Variants in PPP2R5E observed in about 807,000 individuals in gnomAD.
The protein encoded by PPP2R5E is protein phosphatase 2 regulatory subunit B'epsilon.
A neutral mutation model predicts 65.3 loss-of-function variants in PPP2R5E; 4 were observed. The observed-to-expected ratio is 0.06, with a 90% confidence interval of 0.03 to 0.14. The LOEUF is 0.14. Ranked by LOEUF, PPP2R5E falls within the 10% of genes least tolerant of loss-of-function variation. PPP2R5E has a pLI of 1.00. For synonymous variants in PPP2R5E, 183 were observed against 187.4 expected (o/e 0.98, Z 0.19); for missense variants, 274 against 556.1 (o/e 0.49, Z 5.10).
intron 3 of PPP2R5E, among the ~76,000 whole-genome samples, chr14:63,442,852 C>A (rs1888304009): frequency 6.6e-6 from 1 of 152,096 alleles, no homozygotes; most frequent in Non-Finnish European, 1.5e-5. Context: ...TTATCAGATG[C>A]AGGAAGATGA....
chr14:63,463,163 C>T (rs555692492), intron 2 of PPP2R5E, among the ~76,000 whole-genome samples: 9 of 150,642 alleles, frequency 6.0e-5, no homozygotes, highest in African/African-American at 1.2e-4. Flanking sequence ...TGTTTTTAGG[C>T]AGAGTCTCGC....
At chr14:63,415,574 C>T (rs1449663317) in intron 4 of PPP2R5E, among the ~76,000 whole-genome samples, 1 of 152,006 alleles carries the variant, frequency 6.6e-6, no homozygotes, top group African/African-American at 2.4e-5. Flanking sequence ...CTACTTGTAC[C>T]ATTTAAACAA....
intron 2 of PPP2R5E, among the ~76,000 whole-genome samples, chr14:63,521,391 G>C (rs149503651): frequency 6.6e-6 from 1 of 151,972 alleles, no homozygotes; most frequent in Non-Finnish European, 1.5e-5. Context: ...TTAGTTGGCC[G>C]GGCGCAGTGG....
At chr14:63,481,451 G>A (rs371731762) in intron 2 of PPP2R5E, among the ~76,000 whole-genome samples, 7 of 141,890 alleles carry the variant, frequency 4.9e-5, no homozygotes, top group African/African-American at 1.8e-4. Context: ...AGCCGAGATC[G>A]CACCACTGCA....
At chr14:63,451,001 C>T (rs1303950498) in intron 3 of PPP2R5E, among the ~76,000 whole-genome samples, 2 of 152,086 alleles carry the variant, frequency 1.3e-5, no homozygotes, top group Non-Finnish European at 2.9e-5. Flanking sequence ...CAAATCAATA[C>T]CAAATGCTGG....
At chr14:63,460,388 A>G (rs951675642) in intron 2 of PPP2R5E, among the ~76,000 whole-genome samples, 5 of 152,222 alleles carry the variant, frequency 3.3e-5, no homozygotes, top group African/African-American at 1.2e-4. Context: ...GGGAAGGGGC[A>G]TACCAATAAC....
intron 2 of PPP2R5E, among the ~76,000 whole-genome samples, chr14:63,501,227 A>G (rs886718700): frequency 2.0e-5 from 3 of 151,974 alleles, no homozygotes; most frequent in Admixed American, 1.3e-4. Flanking sequence ...GTGAAACTCC[A>G]TCTCTACTAA....
chr14:63,496,320 T>C (rs12587571), intron 2 of PPP2R5E, among the ~76,000 whole-genome samples: 26,373 of 151,430 alleles, frequency 0.17, 2,817 homozygotes, highest in African/African-American at 0.3. Flanking sequence ...CTGGCCAACA[T>C]AGTAAAACCC....
chr14:63,427,557 A>C (rs1183693876), intron 3 of PPP2R5E, among the ~76,000 whole-genome samples: 1 of 152,152 alleles, frequency 6.6e-6, no homozygotes, highest in Non-Finnish European at 1.5e-5. Context: ...AGGCAGGAGG[A>C]TCACTTGAGG....
rs374505700 is a variant in PPP2R5E at position 63,373,157 on chromosome 14, T to G, written c.*2852A>C. ...TTCTAAACCACAGGGTTGTGTGTATTTTTCTCTTCCAAAGACACTCTTAAT... is the reference window on the plus strand; with the variant it reads ...TTCTAAACCACAGGGTTGTGTGTATGTTTCTCTTCCAAAGACACTCTTAAT... On this transcript the variant is annotated 3_prime_UTR_variant, in exon 14 of 14. Transcript: ENST00000337537. 6.6e-5 allele frequency: 10 copies of G among 152,278 alleles called. No homozygotes were observed. The highest frequency in any genetic ancestry group is 2.0e-4 in the Admixed American group (3 of 15,294). The allele number at this position is 152,278 out of a possible 1,614,324, so 9.4% of individuals were successfully genotyped here.
chr14:63,496,246 T>C (rs2139651244), intron 2 of PPP2R5E, among the ~76,000 whole-genome samples: 1 of 152,002 alleles, frequency 6.6e-6, no homozygotes, highest in African/African-American at 2.4e-5. Flanking sequence ...CTCATGCCTG[T>C]AATCCCAGCA....
rs908093315 is a variant in PPP2R5E at position 63,421,973 on chromosome 14, C to T, written c.456+20G>A. On this transcript the variant is annotated intron_variant, in intron 4 of 13. Coordinates refer to ENST00000337537, the MANE Select transcript of PPP2R5E (RefSeq NM_006246.5). Reference sequence around the variant, plus strand: ...GAGTTAATGGAGTTTTCTTTTATAACAAATGGTATTTCAAAGTACCTGTAA... The same window carrying T: ...GAGTTAATGGAGTTTTCTTTTATAATAAATGGTATTTCAAAGTACCTGTAA... 1 of 1,563,380 alleles carries T rather than the reference C, an allele frequency of 6.4e-7. No homozygotes were observed. Among genetic ancestry groups the T allele is most frequent in the Admixed American group, 1.7e-5 (1 of 59,792 alleles).
chr14:63,465,008 G>A (rs1889709187), intron 2 of PPP2R5E, among the ~76,000 whole-genome samples: 1 of 148,180 alleles, frequency 6.7e-6, no homozygotes, highest in African/African-American at 2.6e-5. Flanking sequence ...GGGTGACATA[G>A]TGAGACTCTG....
chr14:63,472,689 C>G (rs1890190116), intron 2 of PPP2R5E, among the ~76,000 whole-genome samples: 1 of 152,186 alleles, frequency 6.6e-6, no homozygotes, highest in African/African-American at 2.4e-5. Flanking sequence ...ATATTTTAGA[C>G]AAGAACAGCA....
chr14:63,423,322 C>T (rs140609147), intron 3 of PPP2R5E, among the ~76,000 whole-genome samples: 1,819 of 152,296 alleles, frequency 0.012, 54 homozygotes, highest in East Asian at 0.096. Context: ...GTCTCGAACT[C>T]CTGACCTCAA....
chr14:63,434,824 G>C (rs530720655), intron 3 of PPP2R5E, among the ~76,000 whole-genome samples: 1 of 152,020 alleles, frequency 6.6e-6, no homozygotes, highest in Non-Finnish European at 1.5e-5. Flanking sequence ...TATACAATTT[G>C]TCAACAAGTC....
At chr14:63,484,341 T>C (rs888687778) in intron 2 of PPP2R5E, among the ~76,000 whole-genome samples, 23 of 136,526 alleles carry the variant, frequency 1.7e-4, no homozygotes, top group African/African-American at 6.8e-4. Flanking sequence ...TCTTTCTCTC[T>C]CTCTCTCACA....
At chr14:63,455,626 C>CT (rs1295806437) in intron 2 of PPP2R5E, among the ~76,000 whole-genome samples, 2 of 152,128 alleles carry the variant, frequency 1.3e-5, no homozygotes, top group African/African-American at 4.8e-5. Flanking sequence ...ACCAAACTCT[C>CT]TAAGTGCTAC....
At chr14:63,470,117 G>A (rs980382664) in intron 2 of PPP2R5E, among the ~76,000 whole-genome samples, 2 of 151,598 alleles carry the variant, frequency 1.3e-5, no homozygotes, top group Non-Finnish European at 2.9e-5. Context: ...TGTCACCCAC[G>A]CTAGAGTGCA....
Sources: allele counts gnomAD v4.1 joint callset (sites outside exome capture counted in the v4.1 genomes callset), GRCh38; gene constraint gnomAD v4.1.1; transcripts MANE v1.5; gene names NCBI Gene and HGNC (gene_info 2026-07-23, HGNC 2026-07-21).